PTPN12: variants seen among roughly 807,000 people sequenced by gnomAD.
PTPN12 encodes tyrosine-protein phosphatase non-receptor type 12.
A neutral mutation model predicts 97.6 loss-of-function variants in PTPN12; 29 were observed. The ratio of observed to expected loss-of-function variants is 0.30; its 90% CI spans 0.22 to 0.41. PTPN12 has a LOEUF of 0.41. Ranked by LOEUF, PTPN12 falls within the 10% of genes least tolerant of loss-of-function variation. The pLI is 1.00. For synonymous variants in PTPN12, 327 were observed against 300.4 expected (o/e 1.09, Z -0.91); for missense variants, 819 against 926.0 (o/e 0.88, Z 1.50).
At chr7:77,638,839 T>C (rs1789700179) in intron 17 of PTPN12, 108 bp downstream of exon 17, 1 of 1,423,948 alleles carries the variant, frequency 7.0e-7, no homozygotes, top group Non-Finnish European at 9.2e-7. Flanking sequence ...AACATGATTT[T>C]CCAAAGTTGC....
At chr7:77,558,210 C>CAAAAAAAAAAAAAAAAAA (rs61149538) in intron 1 of PTPN12, among the ~76,000 whole-genome samples, 1 of 93,610 alleles carries the variant, frequency 1.1e-5, no homozygotes, top group Non-Finnish European at 2.2e-5. Flanking sequence ...GACTCCATCT[C>CAAAAAAAAAAAAAAAAAA]AAAAAAAAAA....
intron 15 of PTPN12, among the ~76,000 whole-genome samples, chr7:77,636,586 A>C (rs1358709651): frequency 6.6e-6 from 1 of 152,198 alleles, no homozygotes; most frequent in Non-Finnish European, 1.5e-5. Context: ...TGTCTCAGCA[A>C]CAACACATTT....
intron 1 of PTPN12, 63 bp from the exon 2 acceptor site, chr7:77,571,015 C>T: frequency 9.1e-7 from 1 of 1,103,186 alleles, no homozygotes; most frequent in Non-Finnish European, 1.3e-6. Context: ...CACCAGATTT[C>T]ATTAAAAATT....
chr7:77,618,656 A>G, intron 12 of PTPN12, 91 bp downstream of exon 12: 1 of 801,712 alleles, frequency 1.2e-6, no homozygotes, highest in Non-Finnish European at 2.0e-6. Context: ...TTTCTAAATT[A>G]CTTTTATAAC....
chr7:77,584,499 G>A (rs1437274985), intron 4 of PTPN12, among the ~76,000 whole-genome samples: 2 of 152,116 alleles, frequency 1.3e-5, no homozygotes, highest in Non-Finnish European at 2.9e-5. Flanking sequence ...GTCCAAACTC[G>A]GAGAATGTTC....
chr7:77,638,806 G>A, intron 17 of PTPN12, 75 bp downstream of exon 17: 1 of 1,495,088 alleles, frequency 6.7e-7, no homozygotes, highest in African/African-American at 1.4e-5. Context: ...TTGCCATTGT[G>A]AAATGACACT....
chr7:77,550,871 G>T (rs1033531262), intron 1 of PTPN12, among the ~76,000 whole-genome samples: 1 of 152,122 alleles, frequency 6.6e-6, no homozygotes, highest in Non-Finnish European at 1.5e-5. Flanking sequence ...AGAAACTGTT[G>T]CCATGAGCTT....
At chr7:77,625,960 G>A (rs1200797032) in intron 12 of PTPN12, among the ~76,000 whole-genome samples, 1 of 152,128 alleles carries the variant, frequency 6.6e-6, no homozygotes, top group African/African-American at 2.4e-5. Context: ...AATGAGACCT[G>A]GGAAACAGGA....
intron 8 of PTPN12, among the ~76,000 whole-genome samples, chr7:77,602,429 G>A (rs186684734): frequency 6.6e-6 from 1 of 152,058 alleles, no homozygotes; most frequent in Non-Finnish European, 1.5e-5. Context: ...CCCTTTAAGA[G>A]GAAAAGCACA....
At chr7:77,543,872 A>T (rs1270710339) in intron 1 of PTPN12, among the ~76,000 whole-genome samples, 4 of 152,188 alleles carry the variant, frequency 2.6e-5, no homozygotes, top group Non-Finnish European at 4.4e-5. Context: ...GCTGAATAAT[A>T]TTCTATTGTA....
intron 1 of PTPN12, among the ~76,000 whole-genome samples, chr7:77,569,606 A>G (rs1483609481): frequency 6.6e-6 from 1 of 152,110 alleles, no homozygotes; most frequent in East Asian, 1.9e-4. Context: ...CGCTGTCTCT[A>G]CTAAAAATAT....
At chr7:77,600,562 A>G (rs1788158849) in intron 7 of PTPN12, 102 bp from the exon 8 acceptor site, 1 of 1,013,256 alleles carries the variant, frequency 9.9e-7, no homozygotes, top group African/African-American at 1.6e-5. Flanking sequence ...AGCAGTGCTA[A>G]ATGCCACACA....
chr7:77,572,245 G>A (rs968747796), intron 2 of PTPN12, among the ~76,000 whole-genome samples: 1 of 152,010 alleles, frequency 6.6e-6, no homozygotes, highest in African/African-American at 2.4e-5. Flanking sequence ...TCTAATACAG[G>A]TGCCTGCCAC....
intron 2 of PTPN12, among the ~76,000 whole-genome samples, chr7:77,581,085 G>T (rs1787501226): frequency 6.6e-6 from 1 of 151,884 alleles, no homozygotes; most frequent in African/African-American, 2.4e-5. Flanking sequence ...TTGTTGTTTT[G>T]TTTTAAGACA....
chr7:77,564,817 G>T (rs1808189277), intron 1 of PTPN12, among the ~76,000 whole-genome samples: 1 of 129,834 alleles, frequency 7.7e-6, no homozygotes, highest in Admixed American at 9.2e-5. Flanking sequence ...GAGTGCAGTG[G>T]CACGATCTCA....
intron 17 of PTPN12, chr7:77,639,000 T>C: frequency 1.5e-6 from 1 of 688,678 alleles, no homozygotes; most frequent in Non-Finnish European, 2.2e-6. Context: ...AAATTGGTTT[T>C]ATTTCCAGCA....
At position 77,618,446 on chromosome 7, in the gene PTPN12, C is replaced by T. The variant is rs910269361; in HGVS notation, c.940-34C>T. 4 of 1,378,326 alleles carry T rather than the reference C, an allele frequency of 2.9e-6. No individual in the cohort carries two copies. The African/African-American group carries it at 5.9e-5, about 20-fold the overall frequency. 85.4% of individuals were successfully genotyped at this position (1,378,326 alleles called of 1,614,324 possible). ...CATGAAGAGGAAAAATTATTTTTCT[C>T]TTAACCTTAGTGAAGTATTTTTTCC... On this transcript the variant is annotated intron_variant, in intron 11 of 17. Transcript: ENST00000248594.
intron 8 of PTPN12, 40 bp from the exon 9 acceptor site, chr7:77,607,195 A>T (rs1386538570): frequency 2.1e-6 from 3 of 1,442,342 alleles, no homozygotes; most frequent in Non-Finnish European, 2.9e-6. Flanking sequence ...TAGTTGTTTT[A>T]TCACAAAAAT....
chr7:77,575,875 G>T (rs899119347), intron 2 of PTPN12, among the ~76,000 whole-genome samples: 2 of 151,678 alleles, frequency 1.3e-5, no homozygotes, highest in African/African-American at 4.8e-5. Context: ...TTTTTGAGAT[G>T]AAGTCTCATT....
Sources: gnomAD v4.1 joint callset for allele counts (sites outside exome capture counted in the v4.1 genomes callset) on GRCh38, gnomAD v4.1.1 for gene constraint, MANE v1.5 for transcripts, NCBI Gene and HGNC (gene_info 2026-07-23, HGNC 2026-07-21) for gene names.